PDE12: variants seen among roughly 807,000 people sequenced by gnomAD.
PDE12 encodes phosphodiesterase 12.
A neutral mutation model predicts 45.4 loss-of-function variants in PDE12; 26 were observed. That is an observed-to-expected ratio of 0.57 (90% CI 0.42 to 0.79). PDE12 has a LOEUF of 0.79. Among genes scored for constraint, PDE12 ranks in the 30% least tolerant of loss-of-function variants. The probability of loss-of-function intolerance (pLI) is 0.00; values close to 1 mark genes in which losing one functional copy is unlikely to be tolerated. For missense variants in PDE12, 668 were observed against 790.0 expected (o/e 0.85, Z 1.85); for synonymous variants, 283 against 323.9 (o/e 0.87, Z 1.36).
chr3:57,631,721 T>TA, the PDE12 span, among the ~76,000 whole-genome samples: 3 of 140,976 alleles, frequency 2.1e-5, no homozygotes, highest in African/African-American at 7.9e-5. Context: ...GCTCTCTTTT[T>TA]TTTTTTTTTT....
chr3:57,592,773 C>T, the PDE12 span, among the ~76,000 whole-genome samples: 1 of 152,082 alleles, frequency 6.6e-6, no homozygotes, highest in Non-Finnish European at 1.5e-5. Flanking sequence ...TCAGAAGAGC[C>T]TGTTTTTTTA....
chr3:57,629,740 T>C, the PDE12 span, among the ~76,000 whole-genome samples: 3 of 151,006 alleles, frequency 2.0e-5, no homozygotes, highest in South Asian at 4.2e-4. Context: ...GCCAGGATGG[T>C]CTCCATCTCC....
the PDE12 span, among the ~76,000 whole-genome samples, chr3:57,592,040 G>A: frequency 1.3e-5 from 2 of 152,012 alleles, no homozygotes; most frequent in Non-Finnish European, 2.9e-5. Flanking sequence ...CTTTAACAGG[G>A]TAAACTTTAT....
chr3:57,622,643 G>T, the PDE12 span, among the ~76,000 whole-genome samples: 1 of 152,150 alleles, frequency 6.6e-6, no homozygotes, highest in Non-Finnish European at 1.5e-5. Context: ...AGTGTTCACA[G>T]CAGCTTTATC....
the PDE12 span, chr3:57,575,650 A>G: frequency 6.2e-7 from 1 of 1,611,802 alleles, no homozygotes; most frequent in Non-Finnish European, 8.5e-7. Context: ...GCAGCACTGC[A>G]TCTCTCAATT....
chr3:57,575,694 A>G, the PDE12 span: 18 of 1,594,744 alleles, frequency 1.1e-5, no homozygotes, highest in Non-Finnish European at 1.5e-5. Context: ...AAGGTAAGGC[A>G]TTAACAACTA....
chr3:57,644,670 C>T, the PDE12 span, among the ~76,000 whole-genome samples: 1 of 115,614 alleles, frequency 8.6e-6, no homozygotes, highest in African/African-American at 3.3e-5. Flanking sequence ...GGTGGCAGAC[C>T]AGCCTGGGCA....
chr3:57,577,233 A>G, the PDE12 span: 2 of 1,124,304 alleles, frequency 1.8e-6, no homozygotes, highest in Non-Finnish European at 1.3e-6. Context: ...TAATCTAATC[A>G]TAGTCAAAAT....
chr3:57,645,770 A>G, the PDE12 span: 22 of 1,590,314 alleles, frequency 1.4e-5, no homozygotes, highest in East Asian at 2.2e-5. Flanking sequence ...TGGAGCAGGA[A>G]GAACATGTAA....
At chr3:57,582,247 A>AT in the PDE12 span, among the ~76,000 whole-genome samples, 450 of 144,360 alleles carry the variant, frequency 3.1e-3, 1 homozygote, top group Admixed American at 6.4e-3. Flanking sequence ...ACATTCTACT[A>AT]TTTTTTTTTT....
chr3:57,594,224 C>CA, the PDE12 span, among the ~76,000 whole-genome samples: 10 of 151,766 alleles, frequency 6.6e-5, no homozygotes, highest in South Asian at 1.0e-3. Flanking sequence ...AACTCCATCT[C>CA]AAAAAAAATA....
At position 57,562,928 on chromosome 3, in the gene PDE12, C is replaced by T. The variant is rs1234093795; in HGVS notation, c.*2924C>T. ...TGATCTCATCAGAATGTGCTGGTTTCAGTCTGGAGATAGATTTCTGAGGAG... is the reference window on the plus strand; with the variant it reads ...TGATCTCATCAGAATGTGCTGGTTTTAGTCTGGAGATAGATTTCTGAGGAG... On this transcript the variant is annotated 3_prime_UTR_variant, in exon 3 of 3. Transcript: ENST00000311180. The T allele has an allele frequency of 6.6e-6, 1 of 152,148 alleles. No homozygotes were observed. The highest frequency in any genetic ancestry group is 1.5e-5 in the Non-Finnish European group (1 of 68,022). The allele number at this position is 152,148 out of a possible 1,614,324, so 9.4% of individuals were successfully genotyped here. A position where few individuals can be genotyped will look rare whatever the true frequency, so the allele number is the denominator to read the frequency against.
chr3:57,608,769 A>C, the PDE12 span, among the ~76,000 whole-genome samples: 2 of 152,134 alleles, frequency 1.3e-5, no homozygotes, highest in African/African-American at 4.8e-5. Flanking sequence ...AGAGACTTAG[A>C]CTCCCACATA....
At chr3:57,570,219 G>GTTTTTTGT (rs2069824258), downstream of PDE12, among the ~76,000 whole-genome samples, 1 of 102,314 alleles carries the variant, frequency 9.8e-6, no homozygotes, top group African/African-American at 3.9e-5. Context: ...TTAATCCAGT[G>GTTTTTTGT]TTTTTTTTTT....
chr3:57,644,522 G>A, the PDE12 span, among the ~76,000 whole-genome samples: 1 of 150,658 alleles, frequency 6.6e-6, no homozygotes, highest in African/African-American at 2.4e-5. Flanking sequence ...TGCCCAGGCT[G>A]GTCTCTAACT....
At chr3:57,582,433 G>A in the PDE12 span, among the ~76,000 whole-genome samples, 1 of 94,888 alleles carries the variant, frequency 1.1e-5, no homozygotes, top group South Asian at 5.0e-4. Flanking sequence ...AGTAAAGACG[G>A]GGTTTCACTG....
the PDE12 span, among the ~76,000 whole-genome samples, chr3:57,621,636 G>A: frequency 4.6e-5 from 7 of 151,874 alleles, no homozygotes; most frequent in Non-Finnish European, 1.0e-4. Context: ...CTCCAGCCTG[G>A]GTGACAGAGC....
the PDE12 span, among the ~76,000 whole-genome samples, chr3:57,580,147 T>C: frequency 6.6e-6 from 1 of 152,062 alleles, no homozygotes; most frequent in African/African-American, 2.4e-5. Context: ...GCCAATATAG[T>C]GTGGTGGGAA....
At chr3:57,607,426 G>A in the PDE12 span, among the ~76,000 whole-genome samples, 1 of 152,248 alleles carries the variant, frequency 6.6e-6, no homozygotes, top group Admixed American at 6.5e-5. Context: ...GAAGGCTTCA[G>A]ACGATCAAAC....
Sources: gnomAD v4.1 joint callset for allele counts (sites outside exome capture counted in the v4.1 genomes callset) on GRCh38, gnomAD v4.1.1 for gene constraint, MANE v1.5 for transcripts, NCBI Gene and HGNC (gene_info 2026-07-23, HGNC 2026-07-21) for gene names.